The following MYMK variants were observed in gnomAD, a reference collection of about 807,000 sequenced individuals.
The protein encoded by MYMK is protein myomaker.
Under a neutral mutation model 22.4 loss-of-function variants are expected in MYMK, and 16 were observed. The observed-to-expected ratio is 0.72, with a 90% CI of 0.48 to 1.09. The LOEUF (loss-of-function observed/expected upper bound fraction) is 1.09. MYMK is among the 50% of genes least tolerant of loss of function. The pLI, the probability that MYMK is intolerant of heterozygous loss-of-function variation, is 0.00. For missense variants in MYMK, 250 were observed against 295.6 expected, an observed-to-expected ratio of 0.85 and a Z score of 1.13; for synonymous variants, 125 against 127.0, an observed-to-expected ratio of 0.98 and a Z score of 0.11.
At chr9:133,520,867 C>T (rs1236907943) in intron 1 of MYMK, among the ~76,000 whole-genome samples, 1 of 152,156 alleles carries the variant, frequency 6.6e-6, no homozygotes, top group African/African-American at 2.4e-5. Flanking sequence ...ACGCCTGGGG[C>T]CTTGTTTAGA....
intron 4 of MYMK, 53 bp from the exon 5 acceptor site, chr9:133,514,838 T>G: frequency 6.3e-7 from 1 of 1,576,960 alleles, no homozygotes; most frequent in Non-Finnish European, 8.6e-7. Context: ...CCGAGGCTCC[T>G]CCCTCTCCAA....
At chr9:133,518,787 A>G (rs1588265504) in intron 3 of MYMK, 87 bp downstream of exon 3, 1 of 1,519,594 alleles carries the variant, frequency 6.6e-7, no homozygotes, top group African/African-American at 1.4e-5. Flanking sequence ...CAGGAGGTAA[A>G]TGAAGATCCG....
At chr9:133,523,404 T>G (rs938039448) in intron 1 of MYMK, among the ~76,000 whole-genome samples, 1 of 152,000 alleles carries the variant, frequency 6.6e-6, no homozygotes, top group Non-Finnish European at 1.5e-5. Flanking sequence ...AGGAGGCTAG[T>G]GGGACGCTTG....
chr9:133,518,770 A>G lies in MYMK; in HGVS notation c.399+104T>C, dbSNP rs1844661066. On this transcript the variant is annotated intron_variant, in intron 3 of 4. Transcript: ENST00000339996. Reference sequence around the variant, plus strand: ...AATTCCTGCATCCACCCATTTGCCTATGAGGGCAGGAGGTAAATGAAGATC... The same window carrying G: ...AATTCCTGCATCCACCCATTTGCCTGTGAGGGCAGGAGGTAAATGAAGATC... 2.1e-6 allele frequency: 3 copies of G among 1,445,182 alleles called. No individual in the cohort carries two copies. In the Admixed American group the frequency reaches 6.2e-5, roughly 30 times the overall value. The allele number at this position is 1,445,182 out of a possible 1,614,324, so 89.5% of individuals were successfully genotyped here. A position where few individuals can be genotyped will look rare whatever the true frequency, so the allele number is the denominator to read the frequency against.
intron 1 of MYMK, among the ~76,000 whole-genome samples, chr9:133,522,780 C>T (rs528504215): frequency 1.3e-5 from 2 of 152,328 alleles, no homozygotes; most frequent in African/African-American, 4.8e-5. Context: ...CTCATCTGCC[C>T]AAGAGGCTTC....
intron 2 of MYMK, among the ~76,000 whole-genome samples, chr9:133,519,422 T>C (rs1367954776): frequency 1.3e-5 from 2 of 151,916 alleles, no homozygotes; most frequent in East Asian, 3.9e-4. Flanking sequence ...TCGGTGGGTG[T>C]CGTGGTGCAT....
At chr9:133,518,503 C>G (rs1224105461) in intron 3 of MYMK, among the ~76,000 whole-genome samples, 2 of 152,234 alleles carry the variant, frequency 1.3e-5, no homozygotes. Flanking sequence ...CTCTTATGTG[C>G]GGAGCACATT....
chr9:133,520,471 G>T (rs902379902), intron 1 of MYMK, among the ~76,000 whole-genome samples, 183 bp from the exon 2 acceptor site: 1 of 152,206 alleles, frequency 6.6e-6, no homozygotes, highest in Admixed American at 6.5e-5. Flanking sequence ...TCCCGCAGAG[G>T]GTCCTGTGGG....
intron 2 of MYMK, among the ~76,000 whole-genome samples, chr9:133,519,685 G>A (rs1345463350): frequency 2.6e-5 from 4 of 152,198 alleles, no homozygotes; most frequent in Non-Finnish European, 5.9e-5. Flanking sequence ...ATGGCAAGGA[G>A]CCTCAGGTCA....
At chr9:133,520,059 G>C (rs1484146982) in intron 2 of MYMK, 115 bp downstream of exon 2, 3 of 734,718 alleles carry the variant, frequency 4.1e-6, no homozygotes, top group Non-Finnish European at 7.2e-6. Context: ...CATTCCTGGG[G>C]CTGGGAGTGA....
intron 3 of MYMK, among the ~76,000 whole-genome samples, chr9:133,516,999 C>T (rs570164757): frequency 6.6e-5 from 10 of 152,280 alleles, no homozygotes; most frequent in South Asian, 4.1e-4. Context: ...GCCCCAGATG[C>T]GGGGAGGCGG....
Position 133,518,912 on chromosome 9 carries a change from G to A in MYMK, c.361C>T (p.Pro121Ser), listed in dbSNP as rs776187851. Residue 121 changes from proline to serine, a missense_variant, in exon 3 of 5, where the codon CCC becomes TCC. By Grantham distance (74) the Pro-to-Ser change is moderately conservative (BLOSUM62 -1). Transcript: ENST00000339996. ...ATGATGAGGATGGCTGTGCCGATGG[G>A]GCCCGAGTACACCCCGTAGCCCCAT... ...DRWGYGVYSG[P>S]IGTAILIIAA... 6 of 1,613,538 alleles carry A rather than the reference G, an allele frequency of 3.7e-6. No homozygotes were observed. The African/African-American group carries it at 6.7e-5, about 18-fold the overall frequency.
At chr9:133,518,840 G>C (rs748529613) in intron 3 of MYMK, 34 bp downstream of exon 3, 4 of 1,590,130 alleles carry the variant, frequency 2.5e-6, no homozygotes, top group Non-Finnish European at 3.4e-6. Context: ...GGGCCTCCTG[G>C]GTCCCCGTTC....
intron 2 of MYMK, among the ~76,000 whole-genome samples, chr9:133,519,310 C>T (rs1431281152): frequency 6.6e-6 from 1 of 152,078 alleles, no homozygotes; most frequent in African/African-American, 2.4e-5. Context: ...CTCAGGTCTG[C>T]AATCCCAGTG....
chr9:133,518,340 G>C (rs9696579), intron 3 of MYMK, among the ~76,000 whole-genome samples: 44,170 of 152,060 alleles, frequency 0.29, 7,050 homozygotes, highest in African/African-American at 0.38. Flanking sequence ...CTGCCTCACT[G>C]TCATACCACA....
At chr9:133,523,014 C>T (rs1320830245) in intron 1 of MYMK, among the ~76,000 whole-genome samples, 1 of 152,210 alleles carries the variant, frequency 6.6e-6, no homozygotes, top group African/African-American at 2.4e-5. Context: ...GTCCTCTGCC[C>T]TGGGTACTGG....
chr9:133,514,937 T>G (rs954598528), intron 4 of MYMK, 152 bp from the exon 5 acceptor site: 1 of 821,608 alleles, frequency 1.2e-6, no homozygotes, highest in African/African-American at 1.7e-5. Context: ...CTCACAGTGG[T>G]TTTTCTCTCC....
Position 133,520,365 on chromosome 9 carries a change from G to C in MYMK, c.136-77C>G, listed in dbSNP as rs952087830. On this transcript the variant is annotated intron_variant, in intron 1 of 4. Transcript: ENST00000339996. ...CCGAGCCACGGCCCCCAGAGTGCCA[G>C]GTCACTTGCTGGCTGTGAGAAGTCA... 4.3e-6 allele frequency: 5 copies of C among 1,149,476 alleles called. No homozygotes were observed. In the African/African-American group the frequency reaches 7.6e-5, roughly 18 times the overall value. The allele number at this position is 1,149,476 out of a possible 1,614,324, so 71.2% of individuals were successfully genotyped here.
rs72779234 is a variant in MYMK at position 133,520,432 on chromosome 9, G to A, written c.136-144C>T. 59,376 of 666,246 alleles carry A rather than the reference G, an allele frequency of 0.089. 3,254 individuals carry two copies. Among genetic ancestry groups the A allele is most frequent in the Non-Finnish European group, 0.11 (40,812 of 366,836 alleles). The allele number at this position is 666,246 out of a possible 1,614,324, so 41.3% of individuals were successfully genotyped here. ...AATGACTGTGTGCCTCAGTCTCCCC[G>A]TCTGAAAAATGGGGGTACTGCCGAG... On this transcript the variant is annotated intron_variant, in intron 1 of 4. Coordinates refer to ENST00000339996, the MANE Select transcript of MYMK (RefSeq NM_001080483.3).
Sources: allele counts gnomAD v4.1 joint callset (sites outside exome capture counted in the v4.1 genomes callset), GRCh38; gene constraint gnomAD v4.1.1; transcripts MANE v1.5; gene names NCBI Gene and HGNC (gene_info 2026-07-23, HGNC 2026-07-21).